The following TERT variants were observed in gnomAD, a reference collection of about 807,000 sequenced individuals.
TERT encodes telomerase reverse transcriptase.
TERT carries 42 observed loss-of-function variants against 104.0 expected under a neutral mutation model. The observed-to-expected ratio is 0.40, with a 90% confidence interval of 0.32 to 0.52. The LOEUF is 0.52. Ranked by LOEUF, TERT falls within the 20% of genes least tolerant of loss-of-function variation. TERT has a pLI of 0.43. For missense variants in TERT, 1,101 were observed against 1,610.3 expected, an observed-to-expected ratio of 0.68 and a Z score of 5.41; for synonymous variants, 781 against 725.6, an observed-to-expected ratio of 1.08 and a Z score of -1.23.
At chr5:1,254,258 C>A (rs953750965) in intron 15 of TERT, 110 bp downstream of exon 15, 4 of 1,502,748 alleles carry the variant, frequency 2.7e-6, no homozygotes, top group Non-Finnish European at 3.7e-6. Context: ...CAGGGTCAGG[C>A]CCGGGGGCGT....
In TERT at chr5:1,274,369, C is replaced by T. The variant is rs1452388944; in HGVS notation, c.2287-2089G>A. Reference sequence around the variant, plus strand: ...AAATCCGTAATTATTCTGGACTCAACACAGAAAAGCCAATATATCAACACT... The same window carrying T: ...AAATCCGTAATTATTCTGGACTCAATACAGAAAAGCCAATATATCAACACT... On this transcript the variant is annotated intron_variant, in intron 6 of 15. Transcript: ENST00000310581. The surrounding 1 kb of genome is among the most constrained non-coding windows in gnomAD (Gnocchi z 5.3). Among the ~76,000 whole-genome samples, 1 of 152,198 alleles carries T rather than the reference C, an allele frequency of 6.6e-6. No homozygotes were observed. Among genetic ancestry groups the T allele is most frequent in the African/African-American group, 2.4e-5 (1 of 41,452 alleles).
intron 6 of TERT, among the ~76,000 whole-genome samples, chr5:1,273,995 A>T (rs1327342582): frequency 1.3e-5 from 2 of 151,554 alleles, no homozygotes; most frequent in Non-Finnish European, 2.9e-5. Context: ...TATTCTGCAG[A>T]CTCCCCCAGG....
In TERT at chr5:1,254,454, A is replaced by C; in HGVS notation, c.3209T>G (p.Val1070Gly). ...GAAGPLPSEA[V>G]QWLCHQAFLL... Reference sequence around the variant, plus strand: ...GAATGCTTGGTGGCACAGCCACTGCACGGCCTCGGAGGGCAGAGGGCCGGC... The same window carrying C: ...GAATGCTTGGTGGCACAGCCACTGCCCGGCCTCGGAGGGCAGAGGGCCGGC... The change falls in exon 15 of 16, where the codon GTG (valine) becomes GGG (glycine). Residue 1070 changes from valine (V) to glycine (G), a missense_variant. Around this residue, in one of 5 missense-constraint regions of TERT, gnomAD observed 463 missense variants for 797.5 expected, o/e 0.58. Transcript: ENST00000310581. The C allele has an allele frequency of 6.2e-7, 1 of 1,612,972 alleles. No homozygotes were observed. The highest frequency in any genetic ancestry group is 8.5e-7 in the Non-Finnish European group (1 of 1,179,908).
chr5:1,272,247 G>A lies in TERT; in HGVS notation c.2320C>T (p.Arg774Ter), dbSNP rs770066110. The A allele has an allele frequency of 2.8e-5, 45 of 1,612,636 alleles. No individual in the cohort carries two copies. The highest frequency in any genetic ancestry group is 2.5e-6 in the Non-Finnish European group (3 of 1,179,818). The change falls in exon 7 of 16, where the codon CGA (arginine) becomes TGA (stop). Residue 774 changes from arginine (R) to a stop codon, truncating the protein, a stop_gained. Transcript: ENST00000310581. LOFTEE classifies it high-confidence loss of function. ...STLTDLQPYM[R>*]QFVAHLQETS... is the part of the protein sequence containing the mutation. ...TCCTGCAGGTGAGCCACGAACTGTC[G>A]CATGTACGGCTGGAGGTCTGTCAAG...
rs1000770517 is a variant in TERT at position 1,293,530 on chromosome 5, G to A, written c.1356C>T (p.Leu452=). The part of the protein sequence containing the change: ...DTDPRRLVQL[L]RQHSSPWQVY... The stretch of plus-strand genomic sequence containing the variant: ...CCTGCCAGGGGCTGCTGTGCTGGCG[G>A]AGCAGCTGCACCAGGCGACGGGGGT... Residue 452 remains leucine, a synonymous_variant, in exon 2 of 16, where the codon CTC becomes CTT. Transcript: ENST00000310581. 5 of 1,558,848 alleles carry A rather than the reference G, an allele frequency of 3.2e-6. No individual in the cohort carries two copies. The African/African-American group carries it at 5.4e-5, about 17-fold the overall frequency.
chr5:1,278,884 C>A, intron 5 of TERT, 88 bp from the exon 6 acceptor site: 1 of 1,568,970 alleles, frequency 6.4e-7, no homozygotes, highest in South Asian at 1.1e-5. Context: ...TGGCGGTGTC[C>A]CCCACTCTCT....
chr5:1,261,448 C>A lies in TERT; in HGVS notation c.2844-848G>T, dbSNP rs987060987. ...GACCCGTGATAATGTCTGGTCACTT[C>A]AGAAGTGGAATTACTGGGAAGACAC... is the stretch of plus-strand genomic sequence containing the variant. On this transcript the variant is annotated intron_variant, in intron 11 of 15. Coordinates refer to ENST00000310581, the MANE Select transcript of TERT (RefSeq NM_198253.3). The surrounding 1 kb of genome is among the most constrained non-coding windows in gnomAD (Gnocchi z 7.4). Among the ~76,000 whole-genome samples the A allele has an allele frequency of 6.6e-6, 1 of 152,176 alleles. No homozygotes were observed. Among genetic ancestry groups the A allele is most frequent in the East Asian group, 1.9e-4 (1 of 5,192 alleles).
In TERT at chr5:1,258,574, C is replaced by T. The variant is rs544478890; in HGVS notation, c.3032+24G>A. On this transcript the variant is annotated intron_variant, in intron 13 of 15. Coordinates refer to ENST00000310581, the MANE Select transcript of TERT (RefSeq NM_198253.3). ...CGCGGAGGGTCCCTGGAGGCTGGGC[C>T]TGCACCCCTTGGTGGCGGCTCACCT... The T allele has an allele frequency of 3.9e-6, 6 of 1,558,354 alleles. No individual in the cohort carries two copies. The South Asian group carries it at 7.1e-5, about 18-fold the overall frequency.
At chr5:1,278,501 G>T in intron 6 of TERT, 140 bp downstream of exon 6, 1 of 1,225,390 alleles carries the variant, frequency 8.2e-7, no homozygotes, top group Non-Finnish European at 1.2e-6. Context: ...ACACACACGT[G>T]CCACACACGC....
chr5:1,293,546 C>T lies in TERT; in HGVS notation c.1340G>A (p.Arg447His), dbSNP rs1751132830. The change falls in exon 2 of 16, where the codon CGC becomes CAC. Residue 447 changes from arginine (R) to histidine (H), a missense_variant. This residue lies in a region of TERT where 504 missense variants were observed against 544.6 expected (regional missense o/e 0.93). Coordinates refer to ENST00000310581, the MANE Select transcript of TERT (RefSeq NM_198253.3). ...GTGCTGGCGGAGCAGCTGCACCAGG[C>T]GACGGGGGTCTGTGTCCTCCTCCTC... ...APEEEDTDPR[R>H]LVQLLRQHSS... 1 of 1,549,740 alleles carries T rather than the reference C, an allele frequency of 6.5e-7. No individual in the cohort carries two copies. Among genetic ancestry groups the T allele is most frequent in the African/African-American group, 1.4e-5 (1 of 73,260 alleles).
At position 1,293,274 on chromosome 5, in the gene TERT, C is replaced by G. The variant is rs79662648; in HGVS notation, c.1573+39G>C. 53,079 of 1,609,516 alleles carry G rather than the reference C, an allele frequency of 0.033. 1,192 individuals are homozygous for G. Among genetic ancestry groups the G allele is most frequent in the Middle Eastern group, 0.1 (630 of 6,062 alleles). ...TTTTCTGAGCCCCTACTGCATTCAGCTCTGGGGCCTGGGCCCTCGACGGCC... is the reference window on the plus strand; with the variant it reads ...TTTTCTGAGCCCCTACTGCATTCAGGTCTGGGGCCTGGGCCCTCGACGGCC... On this transcript the variant is annotated intron_variant, in intron 2 of 15. Coordinates refer to ENST00000310581, the MANE Select transcript of TERT (RefSeq NM_198253.3).
Position 1,287,515 on chromosome 5 carries a change from A to G in TERT, c.1574-4891T>C, listed in dbSNP as rs1750571558. 6.9e-6 allele frequency among the ~76,000 whole-genome samples: 1 copy of G among 144,384 alleles called. No individual in the cohort carries two copies. The highest frequency in any genetic ancestry group is 1.5e-5 in the Non-Finnish European group (1 of 64,824). 94.7% of individuals were successfully genotyped at this position (144,384 alleles called of 152,430 possible). A position where few individuals can be genotyped will look rare whatever the true frequency, so the allele number is the denominator to read the frequency against. On this transcript the variant is annotated intron_variant, in intron 2 of 15. Transcript: ENST00000310581. This position sits in a 1 kb window ranked among gnomAD's most constrained non-coding sequence, Gnocchi z 4.3. ...TCTGTCTCAAAAAAAAAAAATATAT[A>G]TATATATATATAAATTAAAGGCAGA...
In TERT at chr5:1,286,002, G is replaced by C. The variant is rs1750457628; in HGVS notation, c.1574-3378C>G. ...ACTCCCCCGCCAGGCAGCACCGTCA[G>C]AGCTGGCGCCACACCGCAGGTTTGC... is the stretch of plus-strand genomic sequence containing the variant. On this transcript the variant is annotated intron_variant, in intron 2 of 15. Coordinates refer to ENST00000310581, the MANE Select transcript of TERT (RefSeq NM_198253.3). The surrounding 1 kb of genome is among the most constrained non-coding windows in gnomAD (Gnocchi z 5.3). 6.6e-6 allele frequency among the ~76,000 whole-genome samples: 1 copy of C among 152,112 alleles called. No individual in the cohort carries two copies. The highest frequency in any genetic ancestry group is 2.1e-4 in the South Asian group (1 of 4,826).
At chr5:1,277,032 C>T (rs1247396220) in intron 6 of TERT, among the ~76,000 whole-genome samples, 3 of 152,226 alleles carry the variant, frequency 2.0e-5, no homozygotes, top group Non-Finnish European at 4.4e-5. Flanking sequence ...GGCAGGCGCC[C>T]CATACAGAGC....
intron 13 of TERT, among the ~76,000 whole-genome samples, chr5:1,258,165 G>T (rs1005692523): frequency 3.3e-5 from 5 of 152,224 alleles, no homozygotes; most frequent in African/African-American, 1.2e-4. Context: ...CTTCCCGGGG[G>T]TGGGGCCAGC....
rs1032371481 is a variant in TERT at position 1,292,154 on chromosome 5, A to G, written c.1573+1159T>C. On this transcript the variant is annotated intron_variant, in intron 2 of 15. Transcript: ENST00000310581. This position sits in a 1 kb window ranked among gnomAD's most constrained non-coding sequence, Gnocchi z 5.5. ...AAAAAGAAAAAAAAGAGCCCCAAGA[A>G]GGTCACCCTCCTTGTCTGCATGGCC... 6.6e-6 allele frequency among the ~76,000 whole-genome samples: 1 copy of G among 152,160 alleles called. No homozygotes were observed. Among genetic ancestry groups the G allele is most frequent in the African/African-American group, 2.4e-5 (1 of 41,416 alleles).
intron 9 of TERT, among the ~76,000 whole-genome samples, chr5:1,267,475 C>T (rs1748691722): frequency 6.6e-6 from 1 of 152,178 alleles, no homozygotes. Context: ...CCAGCCATCC[C>T]ATTACTGGGT....
At chr5:1,266,364 G>T in intron 10 of TERT, 100 bp downstream of exon 10, 1 of 1,076,594 alleles carries the variant, frequency 9.3e-7, no homozygotes, top group Non-Finnish European at 1.4e-6. Flanking sequence ...AGAGGACTTG[G>T]CAGAGACAAC....
rs1005469712 is a variant in TERT at position 1,268,310 on chromosome 5, T to C, written c.2582+210A>G. On this transcript the variant is annotated intron_variant, in intron 9 of 15. Transcript: ENST00000310581. This position sits in a 1 kb window ranked among gnomAD's most constrained non-coding sequence, Gnocchi z 5.5. Reference sequence around the variant, plus strand: ...TGCTGAGCCCTGAGGCCTCTGGACATGGCCGCTGGACAGAGCCTGCGTGGA... The same window carrying C: ...TGCTGAGCCCTGAGGCCTCTGGACACGGCCGCTGGACAGAGCCTGCGTGGA... Among the ~76,000 whole-genome samples, 30 of 152,240 alleles carry C rather than the reference T, an allele frequency of 2.0e-4. No individual in the cohort carries two copies. The highest frequency in any genetic ancestry group is 7.0e-4 in the African/African-American group (29 of 41,456).
Sources: gnomAD v4.1 joint callset for allele counts (sites outside exome capture counted in the v4.1 genomes callset) on GRCh38, gnomAD v4.1.1 for gene constraint, gnomAD v4.1.1 regional missense constraint, Gnocchi (gnomAD v3.1) non-coding constraint, MANE v1.5 for transcripts, NCBI Gene and HGNC (gene_info 2026-07-23, HGNC 2026-07-21) for gene names.